SLC39A10: variants seen among roughly 807,000 people sequenced by gnomAD.
SLC39A10 encodes the protein zinc transporter ZIP10.
A neutral mutation model predicts 65.1 loss-of-function variants in SLC39A10; 13 were observed. The ratio of observed to expected loss-of-function variants is 0.20; its 90% CI spans 0.13 to 0.32. The LOEUF (loss-of-function observed/expected upper bound fraction) is 0.32. Among genes scored for constraint, SLC39A10 ranks in the 10% least tolerant of loss-of-function variants. The pLI, the probability that SLC39A10 is intolerant of heterozygous loss-of-function variation, is 1.00. For missense variants in SLC39A10, 831 were observed against 1,018.4 expected, an observed-to-expected ratio of 0.82 and a Z score of 2.50; for synonymous variants, 321 against 342.2, an observed-to-expected ratio of 0.94 and a Z score of 0.68.
At chr2:195,710,587 C>G (rs970799574) in intron 5 of SLC39A10, among the ~76,000 whole-genome samples, 3 of 152,120 alleles carry the variant, frequency 2.0e-5, no homozygotes, top group African/African-American at 7.2e-5. Context: ...ATGACTCACT[C>G]CTCATGATTT....
chr2:195,653,812 A>G (rs558009784), upstream of SLC39A10, among the ~76,000 whole-genome samples: 5 of 152,360 alleles, frequency 3.3e-5, no homozygotes, highest in Non-Finnish European at 4.4e-5. Flanking sequence ...TGTAAAAGTA[A>G]CAGTTTAAAC....
intron 2 of SLC39A10, among the ~76,000 whole-genome samples, chr2:195,623,459 G>C (rs944728211): frequency 1.3e-5 from 2 of 152,124 alleles, no homozygotes; most frequent in African/African-American, 4.8e-5. Context: ...TGCACTAGAA[G>C]TGCACAATTT....
At chr2:195,715,525 C>CAAAAAAAAAAAAAAA (rs545656309) in intron 6 of SLC39A10, among the ~76,000 whole-genome samples, 1 of 61,596 alleles carries the variant, frequency 1.6e-5, no homozygotes, top group Non-Finnish European at 3.4e-5. Context: ...GACTCTGTCT[C>CAAAAAAAAAAAAAAA]AAAAAAAAAA....
intron 1 of SLC39A10, among the ~76,000 whole-genome samples, chr2:195,674,210 TTATTC>T (rs1689987582): frequency 6.6e-6 from 1 of 152,206 alleles, no homozygotes; most frequent in African/African-American, 2.4e-5. Context: ...CCATATTTAT[TTATTC>T]TAATGATGAG....
At chr2:195,667,554 G>T (rs1689680984) in intron 1 of SLC39A10, among the ~76,000 whole-genome samples, 1 of 152,136 alleles carries the variant, frequency 6.6e-6, no homozygotes, top group South Asian at 2.1e-4. Flanking sequence ...ACAACAGAGA[G>T]ACTCCTCCCC....
At chr2:195,723,398 G>A (rs1171278359) in intron 8 of SLC39A10, among the ~76,000 whole-genome samples, 1 of 152,130 alleles carries the variant, frequency 6.6e-6, no homozygotes, top group African/African-American at 2.4e-5. Context: ...CCTGTAGTAG[G>A]AGGAGGCCAT....
chr2:195,637,652 A>G (rs1688720325), intron 2 of SLC39A10, among the ~76,000 whole-genome samples: 1 of 152,252 alleles, frequency 6.6e-6, no homozygotes, highest in South Asian at 2.1e-4. Flanking sequence ...TATAATGCTC[A>G]TTCTTAACCA....
intron 1 of SLC39A10, chr2:195,670,587 A>C (rs931552402): frequency 5.9e-5 from 9 of 152,194 alleles, no homozygotes; most frequent in Admixed American, 5.2e-4. Flanking sequence ...TTCTGGTTAG[A>C]AAATTGATTT....
At chr2:195,621,588 A>G (rs1295726578) in intron 2 of SLC39A10, among the ~76,000 whole-genome samples, 1 of 152,196 alleles carries the variant, frequency 6.6e-6, no homozygotes, top group East Asian at 1.9e-4. Flanking sequence ...GCTTCCCTCT[A>G]TCATTCGACC....
chr2:195,661,233 A>T (rs987687991), intron 1 of SLC39A10, among the ~76,000 whole-genome samples: 1 of 151,858 alleles, frequency 6.6e-6, no homozygotes, highest in African/African-American at 2.4e-5. Flanking sequence ...AGTATTTCAA[A>T]CTCTTTTTTT....
upstream of SLC39A10, among the ~76,000 whole-genome samples, chr2:195,652,038 A>G (rs1228614298): frequency 6.6e-6 from 1 of 152,178 alleles, no homozygotes; most frequent in Non-Finnish European, 1.5e-5. Context: ...TTTTAGGGAG[A>G]TATAAGACAC....
At chr2:195,644,530 C>T (rs532372466) in intron 2 of SLC39A10, among the ~76,000 whole-genome samples, 17 of 151,608 alleles carry the variant, frequency 1.1e-4, no homozygotes, top group Non-Finnish European at 1.5e-4. Flanking sequence ...TTAGTAGAGA[C>T]GGGGTTTCAC....
At chr2:195,684,598 CTT>C (rs1341969362) in intron 3 of SLC39A10, among the ~76,000 whole-genome samples, 1 of 151,774 alleles carries the variant, frequency 6.6e-6, no homozygotes, top group Non-Finnish European at 1.5e-5. Context: ...ATCTAGAACT[CTT>C]TGACTTTCTT....
At chr2:195,649,936 T>G (rs1434075068) in intron 2 of SLC39A10, among the ~76,000 whole-genome samples, 1 of 152,136 alleles carries the variant, frequency 6.6e-6, no homozygotes, top group African/African-American at 2.4e-5. Context: ...CCCTCAAGAA[T>G]CTAGACAACC....
intron 1 of SLC39A10, among the ~76,000 whole-genome samples, chr2:195,668,378 TA>T (rs1689717338): frequency 6.6e-6 from 1 of 152,268 alleles, no homozygotes; most frequent in South Asian, 2.1e-4. Flanking sequence ...ATTTTCACAT[TA>T]AGTTTACTTA....
chr2:195,701,564 T>C (rs1691196682), intron 3 of SLC39A10, among the ~76,000 whole-genome samples: 1 of 151,484 alleles, frequency 6.6e-6, no homozygotes, highest in African/African-American at 2.4e-5. Flanking sequence ...TTCTTCTCCT[T>C]CCCCAGGGTT....
chr2:195,723,317 T>C (rs1238214184), intron 8 of SLC39A10, among the ~76,000 whole-genome samples: 1 of 152,232 alleles, frequency 6.6e-6, no homozygotes, highest in Admixed American at 6.5e-5. Flanking sequence ...CTTTGTCTTA[T>C]CTCTTCACTG....
At chr2:195,704,506 G>A (rs1691321422) in intron 3 of SLC39A10, among the ~76,000 whole-genome samples, 1 of 151,790 alleles carries the variant, frequency 6.6e-6, no homozygotes, top group Non-Finnish European at 1.5e-5. Context: ...TGATTTAGCT[G>A]GCCAATAACT....
chr2:195,613,815 A>T (rs1688147848), intron 2 of SLC39A10, among the ~76,000 whole-genome samples: 1 of 152,252 alleles, frequency 6.6e-6, no homozygotes, highest in South Asian at 2.1e-4. Flanking sequence ...GGATTATAGG[A>T]GCAAGAGAAA....
Sources: allele counts gnomAD v4.1 joint callset (sites outside exome capture counted in the v4.1 genomes callset), GRCh38; gene constraint gnomAD v4.1.1; transcripts MANE v1.5; gene names NCBI Gene and HGNC (gene_info 2026-07-23, HGNC 2026-07-21).